The following NCAM2 variants were observed in gnomAD, a reference collection of about 807,000 sequenced individuals.
NCAM2 encodes the protein neural cell adhesion molecule 2.
In NCAM2, 30 loss-of-function variants were observed where a neutral mutation model predicts 98.1. The observed-to-expected ratio is 0.31, with a 90% confidence interval of 0.23 to 0.41. NCAM2 has a LOEUF of 0.41. NCAM2 is among the 10% of genes least tolerant of loss of function. The pLI, the probability that NCAM2 is intolerant of heterozygous loss-of-function variation, is 1.00. For synonymous variants in NCAM2, 368 were observed against 342.4 expected (o/e 1.07, Z -0.83); for missense variants, 867 against 1,005.8 (o/e 0.86, Z 1.87).
At chr21:21,428,917 G>GT (rs2077270558) in intron 11 of NCAM2, among the ~76,000 whole-genome samples, 1 of 152,144 alleles carries the variant, frequency 6.6e-6, no homozygotes, top group South Asian at 2.1e-4. Flanking sequence ...TTTGTTCTAT[G>GT]TTACATGTAT....
At chr21:21,425,040 C>CAAAAAAAA (rs1192128472) in intron 11 of NCAM2, among the ~76,000 whole-genome samples, 3,398 of 43,754 alleles carry the variant, frequency 0.078, 317 homozygotes, top group Non-Finnish European at 0.11. Flanking sequence ...CTTCCTCCTC[C>CAAAAAAAA]AAAAAAAAAA....
chr21:21,388,880 G>A (rs750115383), intron 9 of NCAM2, among the ~76,000 whole-genome samples: 3 of 151,996 alleles, frequency 2.0e-5, no homozygotes, highest in Non-Finnish European at 2.9e-5. Flanking sequence ...AAAAATAAAG[G>A]ATATAAAATA....
At chr21:21,227,087 C>A (rs954399277) in intron 1 of NCAM2, among the ~76,000 whole-genome samples, 1 of 151,594 alleles carries the variant, frequency 6.6e-6, no homozygotes, top group Admixed American at 6.6e-5. Context: ...TAAAGTAAGG[C>A]ATAAGACAAT....
At position 21,434,966 on chromosome 21, in the gene NCAM2, C is replaced by T. The variant is rs553993196; in HGVS notation, c.1654+2685C>T. 2.6e-5 allele frequency among the ~76,000 whole-genome samples: 4 copies of T among 152,104 alleles called. No individual in the cohort carries two copies. The South Asian group carries it at 8.3e-4, about 32-fold the overall frequency. On this transcript the variant is annotated intron_variant, in intron 12 of 17. Transcript: ENST00000400546. ...TGGGACAGGCATCTAAGTACCTGCC[C>T]CTTGGGGATGTGTGACTGGAGTGCA...
chr21:21,065,204 A>G (rs1385273722), intron 1 of NCAM2, among the ~76,000 whole-genome samples: 2 of 152,032 alleles, frequency 1.3e-5, no homozygotes, highest in East Asian at 3.9e-4. Flanking sequence ...ACAAAAAACA[A>G]AAAAACAAAA....
At chr21:21,360,960 C>T (rs2075629899) in intron 8 of NCAM2, among the ~76,000 whole-genome samples, 1 of 151,934 alleles carries the variant, frequency 6.6e-6, no homozygotes, top group Admixed American at 6.6e-5. Flanking sequence ...TACAAAACTC[C>T]TCTATCATCA....
At chr21:21,367,080 T>C (rs559572603) in intron 8 of NCAM2, among the ~76,000 whole-genome samples, 1 of 152,126 alleles carries the variant, frequency 6.6e-6, no homozygotes, top group Non-Finnish European at 1.5e-5. Context: ...TCTGACCATA[T>C]TATAACGCAT....
At chr21:21,096,316 A>G (rs2066122086) in intron 1 of NCAM2, among the ~76,000 whole-genome samples, 1 of 151,692 alleles carries the variant, frequency 6.6e-6, no homozygotes, top group South Asian at 2.1e-4. Flanking sequence ...GATCTCTGAA[A>G]GTGCATACAG....
chr21:21,335,853 A>G (rs531726915), intron 7 of NCAM2, among the ~76,000 whole-genome samples, 188 bp downstream of exon 7: 11 of 152,282 alleles, frequency 7.2e-5, no homozygotes, highest in Admixed American at 2.0e-4. Context: ...TACATATGCA[A>G]ATTTTTGTAA....
intron 1 of NCAM2, among the ~76,000 whole-genome samples, chr21:21,068,675 G>T (rs2146354879): frequency 6.6e-6 from 1 of 152,160 alleles, no homozygotes; most frequent in Non-Finnish European, 1.5e-5. Flanking sequence ...GGTCAGGCTG[G>T]TCTCGAACTC....
At chr21:21,487,829 A>C (rs1385291015) in intron 15 of NCAM2, among the ~76,000 whole-genome samples, 2 of 152,134 alleles carry the variant, frequency 1.3e-5, no homozygotes, top group Non-Finnish European at 2.9e-5. Context: ...TAGGCCTAGG[A>C]GGTAGCAGTA....
rs765301908 is a variant in NCAM2, at chr21:21,066,174, G to T, written c.55+67556G>T. Reference sequence around the variant, plus strand: ...GTTTGGTAGAATTTGAAATGTAAAAGAGATTCATCTTTTGCTGATGAATTT... The same window carrying T: ...GTTTGGTAGAATTTGAAATGTAAAATAGATTCATCTTTTGCTGATGAATTT... On this transcript the variant is annotated intron_variant, in intron 1 of 17. Transcript: ENST00000400546. Among the ~76,000 whole-genome samples, 40 of 152,062 alleles carry T rather than the reference G, an allele frequency of 2.6e-4. 1 individual carries two copies. The highest frequency in any genetic ancestry group is 1.1e-3 in the Admixed American group (17 of 15,274).
intron 1 of NCAM2, among the ~76,000 whole-genome samples, chr21:21,053,177 T>G (rs2065145739): frequency 6.6e-6 from 1 of 152,294 alleles, no homozygotes; most frequent in South Asian, 2.1e-4. Context: ...ATTTAAAATT[T>G]GCTTCTGAGT....
intron 1 of NCAM2, among the ~76,000 whole-genome samples, chr21:21,181,882 G>A (rs951801779): frequency 4.0e-5 from 6 of 151,780 alleles, no homozygotes; most frequent in African/African-American, 1.5e-4. Flanking sequence ...TGTTACCACA[G>A]GAAATAATTT....
At chr21:21,459,011 A>G (rs1370066413) in intron 12 of NCAM2, among the ~76,000 whole-genome samples, 1 of 152,148 alleles carries the variant, frequency 6.6e-6, no homozygotes, top group Non-Finnish European at 1.5e-5. Flanking sequence ...CACAAAACCA[A>G]ATAACCCAAT....
intron 1 of NCAM2, 112 bp from the exon 2 acceptor site, chr21:21,280,466 A>G: frequency 3.0e-6 from 2 of 665,094 alleles, no homozygotes; most frequent in Non-Finnish European, 4.9e-6. Flanking sequence ...AGGTAATAAA[A>G]AATTGGGGGG....
intron 1 of NCAM2, among the ~76,000 whole-genome samples, chr21:21,162,065 T>G (rs1030986632): frequency 2.0e-5 from 3 of 152,126 alleles, no homozygotes; most frequent in Admixed American, 6.5e-5. Context: ...TCTTATTGTG[T>G]GTGTCACTGA....
At chr21:21,251,518 G>A (rs532141802) in intron 1 of NCAM2, among the ~76,000 whole-genome samples, 1 of 152,210 alleles carries the variant, frequency 6.6e-6, no homozygotes, top group South Asian at 2.1e-4. Flanking sequence ...GTATTCCATG[G>A]TGTCTGTGTG....
chr21:21,501,345 C>T (rs1377242764), intron 15 of NCAM2, among the ~76,000 whole-genome samples: 1 of 151,762 alleles, frequency 6.6e-6, no homozygotes, highest in Non-Finnish European at 1.5e-5. Context: ...AAAATTTTGC[C>T]ATAATGTTAA....
Sources: allele counts gnomAD v4.1 joint callset (sites outside exome capture counted in the v4.1 genomes callset), GRCh38; gene constraint gnomAD v4.1.1; transcripts MANE v1.5; gene names NCBI Gene and HGNC (gene_info 2026-07-23, HGNC 2026-07-21).